ITSN1: variants seen among roughly 807,000 people sequenced by gnomAD.
ITSN1 encodes the protein intersectin-1.
A neutral mutation model predicts 239.8 loss-of-function variants in ITSN1; 58 were observed. The ratio of observed to expected loss-of-function variants is 0.24; its 90% confidence interval spans 0.20 to 0.30. The LOEUF is 0.30. Among genes scored for constraint, ITSN1 ranks in the 10% least tolerant of loss-of-function variants. The pLI is 1.00. For synonymous variants in ITSN1, 780 were observed against 770.8 expected (o/e 1.01, Z -0.20); for missense variants, 1,558 against 2,103.3 (o/e 0.74, Z 5.07).
chr21:33,871,569 C>T (rs778483098), intron 33 of ITSN1, among the ~76,000 whole-genome samples: 4 of 151,982 alleles, frequency 2.6e-5, no homozygotes, highest in African/African-American at 7.2e-5. Context: ...TGGTGAAGCC[C>T]GTCTCTACTA....
chr21:33,680,457 G>A (rs562340613), intron 1 of ITSN1, among the ~76,000 whole-genome samples: 4 of 151,302 alleles, frequency 2.6e-5, no homozygotes, highest in Admixed American at 1.3e-4. Flanking sequence ...TCAGCCTCTC[G>A]AGTAGCTGGC....
intron 3 of ITSN1, 40 bp from the exon 4 acceptor site, chr21:33,722,548 T>G (rs1292443178): frequency 3.9e-6 from 6 of 1,538,174 alleles, no homozygotes; most frequent in East Asian, 2.3e-5. Context: ...GCTGTTGTTT[T>G]TTTTTTTTTT....
At chr21:33,837,020 G>C (rs767061155) in intron 29 of ITSN1, 1 of 1,613,198 alleles carries the variant, frequency 6.2e-7, no homozygotes, top group Non-Finnish European at 8.5e-7. Flanking sequence ...CCTCAGGCTT[G>C]AAAGTCCTCA....
chr21:33,699,976 G>T (rs1380331151), intron 1 of ITSN1, among the ~76,000 whole-genome samples: 1 of 151,970 alleles, frequency 6.6e-6, no homozygotes. Flanking sequence ...TGCCCAGGCT[G>T]GTCTTGAATT....
intron 27 of ITSN1, among the ~76,000 whole-genome samples, chr21:33,833,070 G>A (rs571909294): frequency 2.0e-5 from 3 of 151,990 alleles, no homozygotes; most frequent in African/African-American, 7.2e-5. Context: ...TCTTTTCTTG[G>A]TGGTGTACAG....
Position 33,817,661 on chromosome 21 carries a change from G to T in ITSN1, c.2728-606G>T, listed in dbSNP as rs973961766. On this transcript the variant is annotated intron_variant, in intron 22 of 39. Transcript: ENST00000381318. The stretch of plus-strand genomic sequence containing the variant: ...CTTTTCCCTAAATTATCTGGGGGAG[G>T]CAGAGACTGTTTTTTTCATCTGTAA... 3 of 1,203,076 alleles carry T rather than the reference G, an allele frequency of 2.5e-6. No homozygotes were observed. The African/African-American group carries it at 4.9e-5, about 20-fold the overall frequency. The allele number at this position is 1,203,076 out of a possible 1,614,324, so 74.5% of individuals were successfully genotyped here.
chr21:33,775,488 G>T (rs1270190291), intron 14 of ITSN1, among the ~76,000 whole-genome samples: 1 of 152,190 alleles, frequency 6.6e-6, no homozygotes, highest in African/African-American at 2.4e-5. Context: ...GAGTCCTAGG[G>T]ATAGGAAATG....
chr21:33,773,709 T>A (rs963661865), intron 12 of ITSN1, among the ~76,000 whole-genome samples: 1 of 151,508 alleles, frequency 6.6e-6, no homozygotes, highest in Non-Finnish European at 1.5e-5. Flanking sequence ...AGACAGACTC[T>A]CGCTCTGTTG....
chr21:33,736,366 A>G lies in ITSN1; in HGVS notation c.346+1162A>G, dbSNP rs888877172. 2.6e-5 allele frequency among the ~76,000 whole-genome samples: 4 copies of G among 152,274 alleles called. No individual in the cohort carries two copies. The East Asian group carries it at 5.8e-4, about 22-fold the overall frequency. On this transcript the variant is annotated intron_variant, in intron 5 of 39. Coordinates refer to ENST00000381318, the MANE Select transcript of ITSN1 (RefSeq NM_003024.3). ...TCTGGTTTTACTTACTAGGTTTCCT[A>G]TTAAAAACAATGTATTGCCTTTCTT...
At chr21:33,663,705 C>T (rs1406622679) in intron 1 of ITSN1, among the ~76,000 whole-genome samples, 3 of 152,174 alleles carry the variant, frequency 2.0e-5, no homozygotes, top group African/African-American at 7.2e-5. Flanking sequence ...CAGGTTCAAG[C>T]AATTCTCCTG....
At chr21:33,853,522 T>C (rs909054093) in intron 29 of ITSN1, among the ~76,000 whole-genome samples, 3 of 152,208 alleles carry the variant, frequency 2.0e-5, no homozygotes, top group Non-Finnish European at 4.4e-5. Context: ...ACTTGAAGAC[T>C]CAGAAGAGCT....
chr21:33,858,254 T>G (rs1318784881), intron 30 of ITSN1, among the ~76,000 whole-genome samples: 1 of 152,148 alleles, frequency 6.6e-6, no homozygotes, highest in Non-Finnish European at 1.5e-5. Context: ...CCTGGGCTGC[T>G]CCTCTCAGAA....
intron 30 of ITSN1, among the ~76,000 whole-genome samples, chr21:33,858,132 C>G (rs927580901): frequency 6.6e-6 from 1 of 152,132 alleles, no homozygotes; most frequent in African/African-American, 2.4e-5. Context: ...CACTCACCCC[C>G]TTGTAGCGGG....
intron 14 of ITSN1, among the ~76,000 whole-genome samples, chr21:33,779,034 C>T (rs1157474023): frequency 6.6e-6 from 1 of 151,822 alleles, no homozygotes; most frequent in African/African-American, 2.4e-5. Context: ...CCTACTCTAT[C>T]TCTCCTCCTT....
chr21:33,653,807 C>T (rs1286830820), intron 1 of ITSN1, among the ~76,000 whole-genome samples: 2 of 152,144 alleles, frequency 1.3e-5, no homozygotes, highest in Non-Finnish European at 2.9e-5. Context: ...CAGGCGTGAG[C>T]CACTGCGCCC....
chr21:33,828,894 A>G, intron 26 of ITSN1: 3 of 459,292 alleles, frequency 6.5e-6, no homozygotes, highest in South Asian at 4.8e-5. Flanking sequence ...CACATTCAGG[A>G]AAAGTACAGA....
At chr21:33,734,947 G>T in intron 4 of ITSN1, 97 bp from the exon 5 acceptor site, 2 of 992,478 alleles carry the variant, frequency 2.0e-6, no homozygotes, top group South Asian at 3.6e-5. Flanking sequence ...AGGGGTAAGA[G>T]TGCTAATTAT....
intron 9 of ITSN1, 129 bp from the exon 10 acceptor site, chr21:33,765,746 C>T (rs928580751): frequency 1.1e-6 from 1 of 885,234 alleles, no homozygotes; most frequent in Admixed American, 2.2e-5. Context: ...ACTATTTTGA[C>T]AAAATGAGGG....
rs560579697 is a variant in ITSN1 at position 33,823,120 on chromosome 21, G to T, written c.3017-367G>T. 2.0e-5 allele frequency among the ~76,000 whole-genome samples: 3 copies of T among 152,292 alleles called. No individual in the cohort carries two copies. In the South Asian group the frequency reaches 6.2e-4, roughly 32 times the overall value. ...CTGACCCAGTGCTCAGCACAGAGTAGGTATTGTGTAACTCTTAGTTAAAAA... is the reference window on the plus strand; with the variant it reads ...CTGACCCAGTGCTCAGCACAGAGTATGTATTGTGTAACTCTTAGTTAAAAA... On this transcript the variant is annotated intron_variant, in intron 24 of 39. Transcript: ENST00000381318.
Sources: gnomAD v4.1 joint callset for allele counts (sites outside exome capture counted in the v4.1 genomes callset) on GRCh38, gnomAD v4.1.1 for gene constraint, MANE v1.5 for transcripts, NCBI Gene and HGNC (gene_info 2026-07-23, HGNC 2026-07-21) for gene names.